CDH12: variants seen among roughly 807,000 people sequenced by gnomAD.
The protein encoded by CDH12 is cadherin 12.
CDH12 carries 41 observed loss-of-function variants against 74.1 expected under a neutral mutation model. The ratio of observed to expected loss-of-function variants is 0.55; its 90% CI spans 0.43 to 0.72. The LOEUF is 0.72. Ranked by LOEUF, CDH12 falls within the 30% of genes least tolerant of loss-of-function variation. The probability of loss-of-function intolerance (pLI) is 0.00; values close to 1 mark genes in which losing one functional copy is unlikely to be tolerated. For missense variants in CDH12, 945 were observed against 977.2 expected, an observed-to-expected ratio of 0.97 and a Z score of 0.44; for synonymous variants, 399 against 355.0, an observed-to-expected ratio of 1.12 and a Z score of -1.39.
At chr5:22,120,429 G>A (rs766369484) in intron 4 of CDH12, among the ~76,000 whole-genome samples, 2 of 152,006 alleles carry the variant, frequency 1.3e-5, no homozygotes, top group Admixed American at 6.6e-5. Flanking sequence ...TACATTTGAG[G>A]TTAAAAAAGC....
chr5:21,810,237 T>C (rs1382927869), intron 9 of CDH12, among the ~76,000 whole-genome samples: 1 of 152,118 alleles, frequency 6.6e-6, no homozygotes, highest in Non-Finnish European at 1.5e-5. Context: ...AACGTCTAAA[T>C]AGATTTCTTT....
At chr5:22,139,148 C>T (rs1237607119) in intron 4 of CDH12, 1 of 147,526 alleles carries the variant, frequency 6.8e-6, no homozygotes, top group East Asian at 2.0e-4. Flanking sequence ...TTAAATCAAT[C>T]CCTATGATTT....
rs568397807 is a variant in CDH12 at position 22,470,462 on chromosome 5, A to G, written c.-428+34808T>C. Among the ~76,000 whole-genome samples the G allele has an allele frequency of 5.3e-5, 8 of 151,066 alleles. No individual in the cohort carries two copies. The South Asian group carries it at 1.5e-3, about 28-fold the overall frequency. On this transcript the variant is annotated intron_variant, in intron 2 of 14. Transcript: ENST00000382254. ...AACAGGGTCTCACTGTTTGTTGCTC[A>G]GGCTGGAAAACAGTGGCGTGATCAT...
chr5:22,382,245 ATG>A (rs1273311129), intron 3 of CDH12, among the ~76,000 whole-genome samples: 1 of 146,588 alleles, frequency 6.8e-6, no homozygotes, highest in African/African-American at 2.5e-5. Context: ...ATTATAAAAT[ATG>A]TAATATTTTT....
At chr5:22,495,479 C>T (rs1747068540) in intron 2 of CDH12, among the ~76,000 whole-genome samples, 1 of 152,048 alleles carries the variant, frequency 6.6e-6, no homozygotes, top group African/African-American at 2.4e-5. Flanking sequence ...ATCCAAGGAC[C>T]TTATGTCTGT....
chr5:22,213,308 C>A (rs1184380935), intron 3 of CDH12, among the ~76,000 whole-genome samples: 2 of 151,776 alleles, frequency 1.3e-5, no homozygotes, highest in Non-Finnish European at 2.9e-5. Context: ...ACTCAAACCA[C>A]GGCATGAACA....
Position 22,233,117 on chromosome 5 carries a change from C to T in CDH12, c.-332-20474G>A, listed in dbSNP as rs1028763154. Among the ~76,000 whole-genome samples, 2 of 151,344 alleles carry T rather than the reference C, an allele frequency of 1.3e-5. 1 individual carries two copies. Among genetic ancestry groups the T allele is most frequent in the Non-Finnish European group, 2.9e-5 (2 of 67,798 alleles). On this transcript the variant is annotated intron_variant, in intron 3 of 14. Transcript: ENST00000382254. ...TTTTAATGATTTTAAAGGTTATTAT[C>T]AACATTCTAAAGCCTTTGGATTTCC...
At chr5:22,811,039 A>G (rs1444322999) in intron 1 of CDH12, among the ~76,000 whole-genome samples, 1 of 151,346 alleles carries the variant, frequency 6.6e-6, no homozygotes, top group Admixed American at 6.6e-5. Context: ...ATACATAAAT[A>G]TATACATACA....
At chr5:22,423,756 C>A (rs1743758756) in intron 2 of CDH12, among the ~76,000 whole-genome samples, 1 of 152,056 alleles carries the variant, frequency 6.6e-6, no homozygotes, top group African/African-American at 2.4e-5. Context: ...GTAATCCCAG[C>A]ACTTTGGGAG....
intron 1 of CDH12, among the ~76,000 whole-genome samples, chr5:22,747,410 G>C (rs1057103261): frequency 1.8e-4 from 26 of 148,462 alleles, no homozygotes; most frequent in African/African-American, 6.5e-4. Context: ...GATTGCTTCA[G>C]TTAAGGAATT....
At chr5:21,883,371 C>T in intron 6 of CDH12, 3 of 1,538,688 alleles carry the variant, frequency 1.9e-6, no homozygotes, top group Non-Finnish European at 2.7e-6. Context: ...TGTACCTGCT[C>T]TTGAAATTGC....
chr5:22,694,429 G>A (rs1235976260), intron 1 of CDH12, among the ~76,000 whole-genome samples: 2 of 151,928 alleles, frequency 1.3e-5, no homozygotes, highest in Non-Finnish European at 2.9e-5. Flanking sequence ...TAATTGTTAT[G>A]TTAACTTAGG....
chr5:21,767,863 T>C (rs570018262), intron 11 of CDH12, among the ~76,000 whole-genome samples: 4 of 151,818 alleles, frequency 2.6e-5, no homozygotes, highest in South Asian at 2.1e-4. Flanking sequence ...CAAATATGAA[T>C]TGAAATTTTC....
intron 3 of CDH12, among the ~76,000 whole-genome samples, chr5:22,381,177 C>T (rs1344089694): frequency 6.6e-6 from 1 of 151,904 alleles, no homozygotes; most frequent in Non-Finnish European, 1.5e-5. Flanking sequence ...TTTATATATG[C>T]TCATCAAACT....
At chr5:21,817,628 T>C (rs1401951797) in intron 8 of CDH12, among the ~76,000 whole-genome samples, 1 of 151,964 alleles carries the variant, frequency 6.6e-6, no homozygotes, top group Non-Finnish European at 1.5e-5. Flanking sequence ...GTATACATCA[T>C]TAAACTAAAA....
Position 22,287,438 on chromosome 5 carries a change from T to C in CDH12, c.-332-74795A>G, listed in dbSNP as rs144064955. On this transcript the variant is annotated intron_variant, in intron 3 of 14. Coordinates refer to ENST00000382254, the MANE Select transcript of CDH12 (RefSeq NM_004061.5). ...TATAAAATTAATTTAATAAAATGTA[T>C]AACAGGCTGGGCGCGGTGGCTCACG... 2.0e-5 allele frequency among the ~76,000 whole-genome samples: 3 copies of C among 152,146 alleles called. No individual in the cohort carries two copies. In the East Asian group the frequency reaches 5.8e-4, roughly 29 times the overall value.
At chr5:22,441,959 C>T (rs750536701) in intron 2 of CDH12, among the ~76,000 whole-genome samples, 24 of 152,094 alleles carry the variant, frequency 1.6e-4, no homozygotes, top group Non-Finnish European at 2.6e-4. Flanking sequence ...CTGCCTTGGC[C>T]TCCCAAAGTG....
intron 2 of CDH12, among the ~76,000 whole-genome samples, chr5:22,473,743 T>C (rs907926463): frequency 6.6e-6 from 1 of 152,150 alleles, no homozygotes; most frequent in Non-Finnish European, 1.5e-5. Context: ...ATGTGGATTT[T>C]ATTTTTGTGA....
chr5:22,315,660 C>T (rs1738601111), intron 3 of CDH12, among the ~76,000 whole-genome samples: 1 of 152,044 alleles, frequency 6.6e-6, no homozygotes, highest in African/African-American at 2.4e-5. Flanking sequence ...GGATTCTATC[C>T]TAGCTACAAA....
Sources: allele counts gnomAD v4.1 joint callset (sites outside exome capture counted in the v4.1 genomes callset), GRCh38; gene constraint gnomAD v4.1.1; transcripts MANE v1.5; gene names NCBI Gene and HGNC (gene_info 2026-07-23, HGNC 2026-07-21).